Variants in DGKI observed in about 807,000 individuals in gnomAD.
The protein encoded by DGKI is diacylglycerol kinase iota.
In DGKI, 55 loss-of-function variants were observed where a neutral mutation model predicts 147.5. That is an observed-to-expected ratio of 0.37 (90% CI 0.30 to 0.47). The LOEUF (loss-of-function observed/expected upper bound fraction) is 0.47, where lower values mean the gene tolerates loss of function less well. Among genes scored for constraint, DGKI ranks in the 20% least tolerant of loss-of-function variants. The pLI, the probability that DGKI is intolerant of heterozygous loss-of-function variation, is 1.00. For missense variants in DGKI, 1,007 were observed against 1,323.8 expected, an observed-to-expected ratio of 0.76 and a Z score of 3.71; for synonymous variants, 469 against 477.1, an observed-to-expected ratio of 0.98 and a Z score of 0.22.
chr7:137,640,103 T>C (rs546971401), intron 6 of DGKI, among the ~76,000 whole-genome samples: 7 of 152,114 alleles, frequency 4.6e-5, no homozygotes, highest in Middle Eastern at 3.4e-3. Flanking sequence ...ACAGGCACTA[T>C]GGTGTACAGT....
intron 1 of DGKI, among the ~76,000 whole-genome samples, chr7:137,845,922 A>G (rs184525682): frequency 2.6e-5 from 4 of 152,174 alleles, no homozygotes; most frequent in Non-Finnish European, 4.4e-5. Context: ...GGCAGGTCCA[A>G]CTTCCATAAG....
chr7:137,620,012 TACACACGCACACACACACACAC>T, intron 7 of DGKI, 72 bp from the exon 8 acceptor site: 1 of 715,016 alleles, frequency 1.4e-6, no homozygotes, highest in Non-Finnish European at 2.3e-6. Context: ...GATAAATATG[TACACACGCACACACACACACAC>T]ACACACACAC....
intron 21 of DGKI, among the ~76,000 whole-genome samples, chr7:137,507,781 T>C (rs1347796669): frequency 3.3e-5 from 5 of 152,082 alleles, no homozygotes; most frequent in Non-Finnish European, 7.4e-5. Context: ...CATGAAAACA[T>C]CCTACTGATG....
At chr7:137,475,667 T>C (rs1220034833) in intron 23 of DGKI, among the ~76,000 whole-genome samples, 2 of 152,210 alleles carry the variant, frequency 1.3e-5, no homozygotes, top group African/African-American at 2.4e-5. Context: ...AAACGAAGCA[T>C]GGACCATGTC....
intron 29 of DGKI, among the ~76,000 whole-genome samples, chr7:137,408,660 G>A (rs1464537376): frequency 6.6e-6 from 1 of 152,046 alleles, no homozygotes; most frequent in Non-Finnish European, 1.5e-5. Flanking sequence ...TCCACAGAGT[G>A]AGACCCAAAA....
chr7:137,517,287 G>GA lies in DGKI; in HGVS notation c.2248+4578dup, dbSNP rs1177062267. Among the ~76,000 whole-genome samples, 124 of 78,202 alleles carry GA rather than the reference G, an allele frequency of 1.6e-3. 2 individuals are homozygous for GA. The highest frequency in any genetic ancestry group is 6.2e-3 in the African/African-American group (117 of 18,988). The allele number at this position is 78,202 out of a possible 152,430, so 51.3% of individuals were successfully genotyped here. On this transcript the variant is annotated intron_variant, in intron 21 of 32. Coordinates refer to ENST00000614521, the MANE Select transcript of DGKI (RefSeq NM_001321708.2). ...AAGAAAGAAAGAAAAGAAAAAGAAA[G>GA]AAAGAAAGAAAGAAAGAAAGAAAGA...
intron 1 of DGKI, among the ~76,000 whole-genome samples, chr7:137,699,538 G>A (rs924688216): frequency 6.6e-6 from 1 of 152,288 alleles, no homozygotes; most frequent in Non-Finnish European, 1.5e-5. Flanking sequence ...TTATATCCAG[G>A]TCAATGAATA....
chr7:137,514,229 C>A (rs1354865902), intron 21 of DGKI, among the ~76,000 whole-genome samples: 1 of 151,998 alleles, frequency 6.6e-6, no homozygotes, highest in Non-Finnish European at 1.5e-5. Context: ...GCGGTTTTAG[C>A]TGAAGAATTA....
intron 13 of DGKI, among the ~76,000 whole-genome samples, chr7:137,586,650 T>A (rs1003332002): frequency 1.3e-5 from 2 of 151,780 alleles, no homozygotes; most frequent in African/African-American, 4.8e-5. Flanking sequence ...AAAGCTCTGA[T>A]GACACTAATC....
At chr7:137,631,817 G>C (rs1404231327) in intron 6 of DGKI, among the ~76,000 whole-genome samples, 1 of 152,130 alleles carries the variant, frequency 6.6e-6, no homozygotes, top group Non-Finnish European at 1.5e-5. Flanking sequence ...CTCAGAACTA[G>C]GCAGGCTAAA....
At chr7:137,421,110 C>A (rs1585097100) in intron 28 of DGKI, among the ~76,000 whole-genome samples, 3 of 152,252 alleles carry the variant, frequency 2.0e-5, no homozygotes, top group East Asian at 3.9e-4. Flanking sequence ...CAAACACTCA[C>A]TGAATTCTAG....
At chr7:137,814,141 A>G (rs1376673208) in intron 1 of DGKI, among the ~76,000 whole-genome samples, 2 of 152,138 alleles carry the variant, frequency 1.3e-5, no homozygotes, top group African/African-American at 2.4e-5. Context: ...ACAGTGATGG[A>G]TGAAGGTGAG....
At chr7:137,601,719 T>C (rs1819998403) in intron 10 of DGKI, among the ~76,000 whole-genome samples, 1 of 152,240 alleles carries the variant, frequency 6.6e-6, no homozygotes, top group African/African-American at 2.4e-5. Flanking sequence ...CTTTTCTTTT[T>C]TGCAGCCAGT....
At chr7:137,729,125 C>CAG (rs3839661) in intron 1 of DGKI, among the ~76,000 whole-genome samples, 35,775 of 151,922 alleles carry the variant, frequency 0.24, 8,090 homozygotes, top group African/African-American at 0.59. Context: ...CAGAGTAACT[C>CAG]AGAGAGGTGC....
intron 2 of DGKI, among the ~76,000 whole-genome samples, chr7:137,680,893 C>T (rs1823212285): frequency 6.6e-6 from 1 of 152,148 alleles, no homozygotes; most frequent in Non-Finnish European, 1.5e-5. Flanking sequence ...TCAGATAGAA[C>T]ACATTTTCCT....
intron 7 of DGKI, among the ~76,000 whole-genome samples, chr7:137,620,570 T>C (rs925727119): frequency 3.3e-5 from 5 of 152,114 alleles, no homozygotes; most frequent in African/African-American, 9.7e-5. Context: ...ATTGCTTCTG[T>C]TGGGTTTGTC....
At chr7:137,747,484 C>T (rs1272803874) in intron 1 of DGKI, among the ~76,000 whole-genome samples, 2 of 151,942 alleles carry the variant, frequency 1.3e-5, no homozygotes, top group Non-Finnish European at 2.9e-5. Flanking sequence ...GTAACTTTAC[C>T]TCATCCTCTC....
At chr7:137,559,762 G>A (rs896973766) in intron 19 of DGKI, among the ~76,000 whole-genome samples, 4 of 151,632 alleles carry the variant, frequency 2.6e-5, no homozygotes, top group Non-Finnish European at 4.4e-5. Context: ...ATAGCTGTTA[G>A]TGAGATTTAG....
intron 1 of DGKI, among the ~76,000 whole-genome samples, chr7:137,796,124 C>G (rs1396615477): frequency 1.3e-5 from 2 of 152,124 alleles, no homozygotes; most frequent in East Asian, 3.9e-4. Flanking sequence ...AAAGCATGGT[C>G]CATACACATG....
Sources: gnomAD v4.1 joint callset for allele counts (sites outside exome capture counted in the v4.1 genomes callset) on GRCh38, gnomAD v4.1.1 for gene constraint, MANE v1.5 for transcripts, NCBI Gene and HGNC (gene_info 2026-07-23, HGNC 2026-07-21) for gene names.